JOSD2: variants seen among roughly 807,000 people sequenced by gnomAD.
JOSD2 encodes the protein Josephin domain containing 2.
A neutral mutation model predicts 19.3 loss-of-function variants in JOSD2; 20 were observed. The ratio of observed to expected loss-of-function variants is 1.04; its 90% confidence interval spans 0.73 to 1.51. JOSD2 has a LOEUF of 1.51. Among genes scored for constraint, JOSD2 ranks in the 40% most tolerant of loss-of-function variants. The probability of loss-of-function intolerance (pLI) is 0.00; values close to 1 mark genes in which losing one functional copy is unlikely to be tolerated. For synonymous variants in JOSD2, 118 were observed against 123.7 expected, an observed-to-expected ratio of 0.95 and a Z score of 0.31; for missense variants, 215 against 250.4, an observed-to-expected ratio of 0.86 and a Z score of 0.95.
At position 50,510,288 on chromosome 19, in the gene JOSD2, C is replaced by T; in HGVS notation, c.144G>A (p.Lys48=). 1.9e-6 allele frequency: 3 copies of T among 1,613,388 alleles called. No individual in the cohort carries two copies. The highest frequency in any genetic ancestry group is 2.5e-6 in the Non-Finnish European group (3 of 1,180,004). The change falls in exon 2 of 5, where the codon AAG becomes AAA. Residue 48 remains lysine (K), a splice_region_variant and synonymous_variant. Coordinates refer to ENST00000598418, the MANE Select transcript of JOSD2 (RefSeq NM_001270639.2). ...FSQEAADEIC[K]RLAPDSRLNP... Reference sequence around the variant, plus strand: ...GGGCTGGGGTGGGTGACGGTCACCTCTTGCAGATCTCATCGGCAGCCTCCT... The same window carrying T: ...GGGCTGGGGTGGGTGACGGTCACCTTTTGCAGATCTCATCGGCAGCCTCCT...
Position 50,511,169 on chromosome 19 carries a change from G to A in JOSD2, c.-70C>T. On this transcript the variant is annotated 5_prime_UTR_variant, in exon 1 of 5. Transcript: ENST00000598418. ...CAGGGGTTTCCGCATCCCCTTCCTG[G>A]GCGGCGGCTCTGGGCTCCGAGTGCG... The A allele has an allele frequency of 4.5e-6, 2 of 446,892 alleles. No homozygotes were observed. Among genetic ancestry groups the A allele is most frequent in the Non-Finnish European group, 4.5e-6 (1 of 222,032 alleles). The allele number at this position is 446,892 out of a possible 1,614,324, so 27.7% of individuals were successfully genotyped here.
chr19:50,506,373 C>T lies in JOSD2; in HGVS notation c.467+5G>A, dbSNP rs1208384800. On this transcript the variant is annotated splice_donor_5th_base_variant and intron_variant, in intron 4 of 4. Transcript: ENST00000598418. The stretch of plus-strand genomic sequence containing the variant: ...TGGTCTTGGAATCGCCTCTGTGGGG[C>T]TCACCTGACTCCGTCCTCATCCCCC... The T allele has an allele frequency of 1.2e-6, 2 of 1,604,618 alleles. No homozygotes were observed. Among genetic ancestry groups the T allele is most frequent in the East Asian group, 2.2e-5 (1 of 44,656 alleles).
At chr19:50,510,239 T>C (rs1182202862) in intron 2 of JOSD2, 47 bp downstream of exon 2, 3 of 1,611,856 alleles carry the variant, frequency 1.9e-6, no homozygotes, top group African/African-American at 2.7e-5. Flanking sequence ...GGTGGGTCAC[T>C]CCGCCAGAGC....
rs780960030 is a variant in JOSD2, at chr19:50,506,466, C to T, written c.379G>A (p.Val127Met). The T allele has an allele frequency of 1.9e-5, 30 of 1,582,292 alleles. No homozygotes were observed. Among genetic ancestry groups the T allele is most frequent in the Non-Finnish European group, 2.6e-5 (30 of 1,165,532 alleles). Residue 127 changes from valine to methionine, a missense_variant, in exon 4 of 5, where the codon GTG (valine) becomes ATG (methionine). Transcript: ENST00000598418. The stretch of plus-strand genomic sequence containing the variant: ...ACACCGTCCACCTGGCGCAGGGCCA[C>T]CCAGTGCCGCCGGCGCAGCGGCAGT... ...LSLPLRRRHW[V>M]ALRQVDGVYY... is the part of the protein sequence containing the mutation.
At chr19:50,507,893 G>A in intron 2 of JOSD2, 194 bp from the exon 3 acceptor site, 1 of 643,958 alleles carries the variant, frequency 1.6e-6, no homozygotes, top group Non-Finnish European at 2.6e-6. Context: ...CTCCTGCCCT[G>A]ACTCTGCCCT....
chr19:50,508,013 GCCCTGTCC>G, intron 2 of JOSD2: 1 of 445,622 alleles, frequency 2.2e-6, no homozygotes, highest in South Asian at 2.2e-5. Context: ...CCCTGACTCT[GCCCTGTCC>G]CCAAGTCCTG....
intron 3 of JOSD2, 144 bp downstream of exon 3, chr19:50,507,430 C>A: frequency 8.7e-7 from 1 of 1,148,740 alleles, no homozygotes; most frequent in Non-Finnish European, 1.2e-6. Flanking sequence ...CCTGATCTCC[C>A]CCTTTCAACC....
At chr19:50,510,097 G>A (rs973913340) in intron 2 of JOSD2, 189 bp downstream of exon 2, 3 of 599,698 alleles carry the variant, frequency 5.0e-6, no homozygotes, top group Admixed American at 6.2e-5. Flanking sequence ...GGTCTGGCTG[G>A]GGCTGAGGCC....
At position 50,506,581 on chromosome 19, in the gene JOSD2, G is replaced by A. The variant is rs1979361525; in HGVS notation, c.273-9C>T. 6.6e-7 allele frequency: 1 copy of A among 1,512,064 alleles called. No individual in the cohort carries two copies. Among genetic ancestry groups the A allele is most frequent in the Non-Finnish European group, 8.9e-7 (1 of 1,126,948 alleles). 93.7% of individuals were successfully genotyped at this position (1,512,064 alleles called of 1,614,324 possible). On this transcript the variant is annotated splice_polypyrimidine_tract_variant and intron_variant, in intron 3 of 4. Transcript: ENST00000598418. ...CCAGCTGGGACAGGGGCCTGTGTGG[G>A]CAGGGAGGGGACACTGCCATCAGGG... is the stretch of plus-strand genomic sequence containing the variant.
chr19:50,510,071 A>AAAAAAAAT, intron 2 of JOSD2: 1 of 498,982 alleles, frequency 2.0e-6, no homozygotes, highest in Non-Finnish European at 3.6e-6. Flanking sequence ...AAAAAAAGAA[A>AAAAAAAAT]GAACCACTGG....
At position 50,511,070 on chromosome 19, in the gene JOSD2, C is replaced by G. The variant is rs1238891712; in HGVS notation, c.-18+47G>C. 3 of 451,628 alleles carry G rather than the reference C, an allele frequency of 6.6e-6. No individual in the cohort carries two copies. The Admixed American group carries it at 7.1e-5, about 11-fold the overall frequency. The allele number at this position is 451,628 out of a possible 1,614,324, so 28.0% of individuals were successfully genotyped here. A position where few individuals can be genotyped will look rare whatever the true frequency, so the allele number is the denominator to read the frequency against. On this transcript the variant is annotated intron_variant, in intron 1 of 4. Coordinates refer to ENST00000598418, the MANE Select transcript of JOSD2 (RefSeq NM_001270639.2). ...CAAGGAATGGAGCCCTTCGCCGACC[C>G]GCACCCCAGCCACGGCGCTCGCCCT...
chr19:50,508,293 G>A (rs1979508959), intron 2 of JOSD2, among the ~76,000 whole-genome samples: 1 of 152,144 alleles, frequency 6.6e-6, no homozygotes, highest in South Asian at 2.1e-4. Context: ...CCCTGTCTGG[G>A]CTCCCCCAGT....
chr19:50,507,003 G>A lies in JOSD2; in HGVS notation c.273-431C>T, dbSNP rs975958106. Among the ~76,000 whole-genome samples the A allele has an allele frequency of 2.7e-5, 4 of 149,566 alleles. No individual in the cohort carries two copies. In the East Asian group the frequency reaches 7.9e-4, roughly 30 times the overall value. ...ATTCACACACTCACCTCCCATCTAT[G>A]CATTCACTTCCATCCCTCATATACA... On this transcript the variant is annotated intron_variant, in intron 3 of 4. Coordinates refer to ENST00000598418, the MANE Select transcript of JOSD2 (RefSeq NM_001270639.2).
At chr19:50,506,608 C>T in intron 3 of JOSD2, 36 bp from the exon 4 acceptor site, 1 of 1,455,592 alleles carries the variant, frequency 6.9e-7, no homozygotes, top group Non-Finnish European at 9.1e-7. Flanking sequence ...CCATCAGGGC[C>T]TGCTCCGCCC....
chr19:50,507,418 C>T (rs1361939155), intron 3 of JOSD2, among the ~76,000 whole-genome samples, 156 bp downstream of exon 3: 1 of 151,980 alleles, frequency 6.6e-6, no homozygotes, highest in East Asian at 1.9e-4. Flanking sequence ...GCCCATCGAC[C>T]ACCTGATCTC....
At chr19:50,506,885 A>G (rs1053212622) in intron 3 of JOSD2, among the ~76,000 whole-genome samples, 2 of 141,540 alleles carry the variant, frequency 1.4e-5, no homozygotes, top group Non-Finnish European at 3.1e-5. Flanking sequence ...CCCACCCACC[A>G]ACTTACCAAC....
In JOSD2 at chr19:50,510,380, G is replaced by A. The variant is rs141204557; in HGVS notation, c.52C>T (p.Arg18Trp). 5.6e-6 allele frequency: 9 copies of A among 1,613,342 alleles called. No homozygotes were observed. Among genetic ancestry groups the A allele is most frequent in the Admixed American group, 1.7e-5 (1 of 59,996 alleles). ...ACAGCACACAGCTCCAGGCGCTGCC[G>A]TTCGTGGTACACGGTGGGTGGGCTC... Reference protein sequence around the residue: ...QPSPPTVYHERQRLELCAVHA... With the variant: ...QPSPPTVYHEWQRLELCAVHA... The change falls in exon 2 of 5, where the codon CGG (arginine) becomes TGG (tryptophan). Residue 18 changes from arginine (R) to tryptophan (W), a missense_variant. Coordinates refer to ENST00000598418, the MANE Select transcript of JOSD2 (RefSeq NM_001270639.2).
chr19:50,508,689 G>A (rs1339758177), intron 2 of JOSD2, among the ~76,000 whole-genome samples: 1 of 145,676 alleles, frequency 6.9e-6, no homozygotes, highest in Non-Finnish European at 1.5e-5. Flanking sequence ...GACATGGGAG[G>A]AAAACGCTCG....
rs1979352239 is a variant in JOSD2 at position 50,506,508 on chromosome 19, A to T, written c.337T>A (p.Ser113Thr). The T allele has an allele frequency of 6.4e-7, 1 of 1,556,536 alleles. No individual in the cohort carries two copies. The highest frequency in any genetic ancestry group is 8.7e-7 in the Non-Finnish European group (1 of 1,150,926). The change falls in exon 4 of 5, where the codon TCG becomes ACG. Residue 113 changes from serine to threonine, a missense_variant. Coordinates refer to ENST00000598418, the MANE Select transcript of JOSD2 (RefSeq NM_001270639.2). Reference sequence around the variant, plus strand: ...AGCGGCAGTGACAGCAGCCCCAGCGACACGGGCGAGGGCAGGTTCAGGATC... The same window carrying T: ...AGCGGCAGTGACAGCAGCCCCAGCGTCACGGGCGAGGGCAGGTTCAGGATC... ...GLILNLPSPV[S>T]LGLLSLPLRR...
Sources: gnomAD v4.1 joint callset for allele counts (sites outside exome capture counted in the v4.1 genomes callset) on GRCh38, gnomAD v4.1.1 for gene constraint, MANE v1.5 for transcripts, NCBI Gene and HGNC (gene_info 2026-07-23, HGNC 2026-07-21) for gene names.